Variants in HSPA4L observed in about 807,000 individuals in gnomAD.
HSPA4L encodes the protein heat shock 70 kDa protein 4L.
In HSPA4L, 48 loss-of-function variants were observed where a neutral mutation model predicts 100.3. The ratio of observed to expected loss-of-function variants is 0.48; its 90% confidence interval spans 0.38 to 0.61. The LOEUF is 0.61. HSPA4L is among the 20% of genes least tolerant of loss of function. HSPA4L has a pLI of 0.00. For missense variants in HSPA4L, 886 were observed against 988.6 expected (o/e 0.90, Z 1.39); for synonymous variants, 319 against 328.2 (o/e 0.97, Z 0.30).
chr4:127,811,179 CTT>C (rs35272929), intron 11 of HSPA4L, among the ~76,000 whole-genome samples: 3 of 142,434 alleles, frequency 2.1e-5, no homozygotes, highest in Non-Finnish European at 3.0e-5. Flanking sequence ...ATTCCCAGTG[CTT>C]TTTTTTTTTT....
At chr4:127,817,222 T>G (rs6856188) in intron 12 of HSPA4L, among the ~76,000 whole-genome samples, 1 of 152,130 alleles carries the variant, frequency 6.6e-6, no homozygotes, top group African/African-American at 2.4e-5. Context: ...TGCACCACCA[T>G]GCCTGGCTAA....
intron 1 of HSPA4L, among the ~76,000 whole-genome samples, chr4:127,791,886 G>A (rs1732886544): frequency 6.6e-6 from 1 of 152,116 alleles, no homozygotes; most frequent in African/African-American, 2.4e-5. Flanking sequence ...TTTTGTGTGA[G>A]TCTATAGCAT....
At chr4:127,823,267 C>T (rs1034681069) in intron 15 of HSPA4L, among the ~76,000 whole-genome samples, 7 of 152,080 alleles carry the variant, frequency 4.6e-5, no homozygotes, top group African/African-American at 1.7e-4. Flanking sequence ...TCTCACCTCA[C>T]CCTCATAAGT....
At chr4:127,806,603 C>A (rs1400922092) in intron 10 of HSPA4L, among the ~76,000 whole-genome samples, 1 of 151,942 alleles carries the variant, frequency 6.6e-6, no homozygotes. Flanking sequence ...TTCCCTCTGT[C>A]ATAAGCTACA....
chr4:127,804,382 G>T (rs182652447), intron 8 of HSPA4L, among the ~76,000 whole-genome samples: 1 of 152,120 alleles, frequency 6.6e-6, no homozygotes, highest in Non-Finnish European at 1.5e-5. Flanking sequence ...GAGGTGGGTG[G>T]ATCACCTGAG....
rs1419063567 is a variant in HSPA4L at position 127,830,622 on chromosome 4, T to G, written c.2167-16T>G. 6 of 1,522,434 alleles carry G rather than the reference T, an allele frequency of 3.9e-6. No individual in the cohort carries two copies. Among genetic ancestry groups the G allele is most frequent in the Non-Finnish European group, 5.3e-6 (6 of 1,135,666 alleles). 94.3% of individuals were successfully genotyped at this position (1,522,434 alleles called of 1,614,324 possible). On this transcript the variant is annotated splice_polypyrimidine_tract_variant and intron_variant, in intron 17 of 18. Transcript: ENST00000296464. ...AAAATCATTAACATGCAGTCAAGCTTTTTTTTTTTAAATAGGATGAAAGAT... is the reference window on the plus strand; with the variant it reads ...AAAATCATTAACATGCAGTCAAGCTGTTTTTTTTTAAATAGGATGAAAGAT...
intron 12 of HSPA4L, chr4:127,812,723 C>T (rs1186344261): frequency 7.8e-6 from 8 of 1,028,598 alleles, no homozygotes; most frequent in Admixed American, 1.8e-5. Context: ...AACACCTATG[C>T]CATGAATTCA....
At chr4:127,798,103 G>GAT (rs1045772723) in intron 3 of HSPA4L, among the ~76,000 whole-genome samples, 1 of 152,136 alleles carries the variant, frequency 6.6e-6, no homozygotes, top group East Asian at 1.9e-4. Flanking sequence ...TATGTCATTA[G>GAT]ATATATATAT....
chr4:127,805,082 G>C lies in HSPA4L; in HGVS notation c.995G>C (p.Arg332Pro). 2.5e-6 allele frequency: 4 copies of C among 1,594,078 alleles called. No individual in the cohort carries two copies. Among genetic ancestry groups the C allele is most frequent in the Non-Finnish European group, 3.4e-6 (4 of 1,171,014 alleles). Reference protein sequence around the residue: ...KAVMEQANLQREDISSIEIVG... With the variant: ...KAVMEQANLQPEDISSIEIVG... ...TAAAAAAATTTTCCAGACTTACAACGTGAAGACATTAGTAGTATAGAAATT... is the reference window on the plus strand; with the variant it reads ...TAAAAAAATTTTCCAGACTTACAACCTGAAGACATTAGTAGTATAGAAATT... The change falls in exon 9 of 19, where the codon CGT becomes CCT. Residue 332 changes from arginine (R) to proline (P), a missense_variant. Arg to Pro is a moderately radical substitution (Grantham distance 103, BLOSUM62 -2). Coordinates refer to ENST00000296464, the MANE Select transcript of HSPA4L (RefSeq NM_014278.4).
chr4:127,804,357 G>A (rs1028466057), intron 8 of HSPA4L, among the ~76,000 whole-genome samples: 2 of 151,930 alleles, frequency 1.3e-5, no homozygotes, highest in Admixed American at 1.3e-4. Flanking sequence ...TGTAATCCCA[G>A]CACTTTGGGA....
At position 127,782,537 on chromosome 4, in the gene HSPA4L, C is replaced by T. The variant is rs1732591244; in HGVS notation, c.-14C>T. The T allele has an allele frequency of 1.2e-6, 2 of 1,609,132 alleles. No homozygotes were observed. Among genetic ancestry groups the T allele is most frequent in the African/African-American group, 2.7e-5 (2 of 74,930 alleles). Reference sequence around the variant, plus strand: ...AAGGGTTCAGTACCAGCAGCCCGACCATCACGCGGCGGGATGTCTGTGGTT... The same window carrying T: ...AAGGGTTCAGTACCAGCAGCCCGACTATCACGCGGCGGGATGTCTGTGGTT... On this transcript the variant is annotated 5_prime_UTR_variant, in exon 1 of 19. Coordinates refer to ENST00000296464, the MANE Select transcript of HSPA4L (RefSeq NM_014278.4).
chr4:127,811,444 C>A lies in HSPA4L; in HGVS notation c.1386C>A (p.Phe462Leu). Residue 462 changes from phenylalanine to leucine, a missense_variant, in exon 12 of 19, where the codon TTC becomes TTA. Coordinates refer to ENST00000296464, the MANE Select transcript of HSPA4L (RefSeq NM_014278.4). ...AGTTCTTTTTTCCTTAAGGGAGCTT[C>A]ACTATTCAGAATGTTTTTCCACAGT... The part of the protein sequence containing the change: ...VPYPDARIGS[F>L]TIQNVFPQSD... 6.2e-7 allele frequency: 1 copy of A among 1,613,492 alleles called. No individual in the cohort carries two copies. The highest frequency in any genetic ancestry group is 8.5e-7 in the Non-Finnish European group (1 of 1,179,586).
chr4:127,832,243 A>G (rs901614366), intron 18 of HSPA4L, among the ~76,000 whole-genome samples: 1 of 152,200 alleles, frequency 6.6e-6, no homozygotes, highest in Non-Finnish European at 1.5e-5. Context: ...AAACAAAAAA[A>G]AATGTCGTTT....
chr4:127,799,731 T>A (rs1733123479), intron 4 of HSPA4L, among the ~76,000 whole-genome samples: 1 of 152,210 alleles, frequency 6.6e-6, no homozygotes, highest in African/African-American at 2.4e-5. Flanking sequence ...TGACCATTAT[T>A]AACTTTGTGG....
intron 4 of HSPA4L, among the ~76,000 whole-genome samples, chr4:127,800,114 A>G (rs1015523458): frequency 6.6e-6 from 1 of 152,234 alleles, no homozygotes; most frequent in African/African-American, 2.4e-5. Flanking sequence ...GGGTGTATAC[A>G]TACGTACATC....
chr4:127,826,300 G>C (rs114563062), intron 16 of HSPA4L, among the ~76,000 whole-genome samples: 3 of 152,184 alleles, frequency 2.0e-5, no homozygotes, highest in Non-Finnish European at 4.4e-5. Flanking sequence ...AGGTTGGGAG[G>C]CTGAGGCAGA....
intron 3 of HSPA4L, among the ~76,000 whole-genome samples, chr4:127,797,847 C>T (rs751000532): frequency 1.3e-5 from 2 of 152,078 alleles, no homozygotes; most frequent in South Asian, 4.2e-4. Flanking sequence ...ATGATCTGCT[C>T]GCCTCGGCCT....
At position 127,833,188 on chromosome 4, in the gene HSPA4L, C is replaced by T. The variant is rs1273787965; in HGVS notation, c.*314C>T. 4.6e-6 allele frequency: 1 copy of T among 215,892 alleles called. No individual in the cohort carries two copies. The highest frequency in any genetic ancestry group is 2.3e-5 in the African/African-American group (1 of 44,080). The allele number at this position is 215,892 out of a possible 1,614,324, so 13.4% of individuals were successfully genotyped here. ...TTAAAGCTTCTACTGGGATAAACCTCAATTCCTTTATTCAGGAAAGGATAC... is the reference window on the plus strand; with the variant it reads ...TTAAAGCTTCTACTGGGATAAACCTTAATTCCTTTATTCAGGAAAGGATAC... On this transcript the variant is annotated 3_prime_UTR_variant, in exon 19 of 19. Transcript: ENST00000296464.
At position 127,823,573 on chromosome 4, in the gene HSPA4L, C is replaced by T. The variant is rs181365352; in HGVS notation, c.1995C>T (p.Asp665=). The T allele has an allele frequency of 3.1e-6, 5 of 1,613,626 alleles. No individual in the cohort carries two copies. Among genetic ancestry groups the T allele is most frequent in the East Asian group, 2.2e-5 (1 of 44,852 alleles). ...ACACAGAAAATTGGCTTTATGAAGA[C>T]GGAGAGGACCAACCTAAACAAGTTT... ...LEDTENWLYE[D]GEDQPKQVYV... Residue 665 remains aspartate, a synonymous_variant, in exon 16 of 19, where the codon GAC becomes GAT. Transcript: ENST00000296464.
Sources: gnomAD v4.1 joint callset for allele counts (sites outside exome capture counted in the v4.1 genomes callset) on GRCh38, gnomAD v4.1.1 for gene constraint, MANE v1.5 for transcripts, NCBI Gene and HGNC (gene_info 2026-07-23, HGNC 2026-07-21) for gene names.